GTPBP8: variants seen among roughly 807,000 people sequenced by gnomAD.
GTPBP8 encodes the protein GTP-binding protein 8.
GTPBP8 carries 21 observed loss-of-function variants against 27.3 expected under a neutral mutation model. The observed-to-expected ratio is 0.77, with a 90% CI of 0.55 to 1.11. The LOEUF is 1.11. Ranked by LOEUF, GTPBP8 falls within the 50% of genes least tolerant of loss-of-function variation. The probability of loss-of-function intolerance (pLI) is 0.00; values close to 1 mark genes in which losing one functional copy is unlikely to be tolerated. For missense variants in GTPBP8, 380 were observed against 350.8 expected (o/e 1.08, Z -0.67); for synonymous variants, 147 against 135.3 (o/e 1.09, Z -0.60).
intron 2 of GTPBP8, among the ~76,000 whole-genome samples, chr3:112,993,841 C>T (rs192188590): frequency 2.6e-5 from 4 of 152,290 alleles, no homozygotes; most frequent in African/African-American, 9.6e-5. Context: ...TAAAATGATT[C>T]TCTGGCTCCA....
In GTPBP8 at chr3:112,995,272, A is replaced by G. The variant is rs1933762940; in HGVS notation, c.566+7A>G. ...ATCTAAAAGAACGAAGGAAGTAAGG[A>G]AAAGATTTTCTTATAATAGTTATAC... On this transcript the variant is annotated splice_region_variant and intron_variant, in intron 3 of 5. Transcript: ENST00000383678. 6.4e-7 allele frequency: 1 copy of G among 1,574,294 alleles called. No individual in the cohort carries two copies. Among genetic ancestry groups the G allele is most frequent in the South Asian group, 1.2e-5 (1 of 85,698 alleles).
At chr3:112,994,870 C>T (rs1246609638) in intron 2 of GTPBP8, among the ~76,000 whole-genome samples, 1 of 152,124 alleles carries the variant, frequency 6.6e-6, no homozygotes, top group African/African-American at 2.4e-5. Context: ...AAATATTTTG[C>T]CTACATGTTT....
intron 2 of GTPBP8, 34 bp downstream of exon 2, chr3:112,993,158 C>A: frequency 1.9e-6 from 2 of 1,030,930 alleles, no homozygotes; most frequent in East Asian, 2.4e-5. Context: ...TTTGGACTAT[C>A]TCTTGGATTA....
At position 112,993,035 on chromosome 3, in the gene GTPBP8, A is replaced by G; in HGVS notation, c.346A>G (p.Ile116Val). ...TTTTTTCTTGTATAAGGTGTGTTTT[A>G]TAGGCAGAAGCAATGTTGGAAAATC... is the stretch of plus-strand genomic sequence containing the variant. The part of the protein sequence containing the change: ...PDLPRPEVCF[I>V]GRSNVGKSSL... Residue 116 changes from isoleucine to valine, a missense_variant, in exon 2 of 6, where the codon ATA becomes GTA. Transcript: ENST00000383678. 1 of 1,597,538 alleles carries G rather than the reference A, an allele frequency of 6.3e-7. No homozygotes were observed. The highest frequency in any genetic ancestry group is 8.6e-7 in the Non-Finnish European group (1 of 1,165,344).
At position 112,995,206 on chromosome 3, in the gene GTPBP8, C is replaced by A; in HGVS notation, c.507C>A (p.Gly169=). 1 of 1,607,974 alleles carries A rather than the reference C, an allele frequency of 6.2e-7. No individual in the cohort carries two copies. Among genetic ancestry groups the A allele is most frequent in the Non-Finnish European group, 8.5e-7 (1 of 1,175,224 alleles). The stretch of plus-strand genomic sequence containing the variant: ...CAGTGGTGGACATGCCAGGTTATGG[C>A]TTTAGAGCACCTGAAGATTTTGTTG... ...HFTVVDMPGY[G]FRAPEDFVDM... Residue 169 remains glycine, a synonymous_variant, in exon 3 of 6, where the codon GGC becomes GGA. Coordinates refer to ENST00000383678, the MANE Select transcript of GTPBP8 (RefSeq NM_014170.4).
intron 1 of GTPBP8, chr3:112,991,700 TCTC>T: frequency 2.4e-6 from 1 of 416,152 alleles, no homozygotes; most frequent in Non-Finnish European, 4.6e-6. Flanking sequence ...AAAAATTAAC[TCTC>T]CTTTTTTCTT....
At chr3:112,998,270 AC>A (rs1933825307) in intron 4 of GTPBP8, among the ~76,000 whole-genome samples, 1 of 152,202 alleles carries the variant, frequency 6.6e-6, no homozygotes, top group South Asian at 2.1e-4. Flanking sequence ...GACACTAGTC[AC>A]AATTTTGGGC....
chr3:112,999,535 A>G lies in GTPBP8; in HGVS notation c.756A>G (p.Gln252=). ...AGAAATTTGTTAACATGAAAACTCA[A>G]GGATGTTTTCCTCAGTTGTTTCCTG... ...QIQKFVNMKT[Q]GCFPQLFPVS... is the part of the protein sequence containing the mutation. Residue 252 remains glutamine (Q), a synonymous_variant, in exon 5 of 6, where the codon CAA becomes CAG. Transcript: ENST00000383678. The G allele has an allele frequency of 1.4e-6, 2 of 1,468,856 alleles. No individual in the cohort carries two copies. Among genetic ancestry groups the G allele is most frequent in the South Asian group, 1.3e-5 (1 of 77,056 alleles). The allele number at this position is 1,468,856 out of a possible 1,614,324, so 91.0% of individuals were successfully genotyped here. A position where few individuals can be genotyped will look rare whatever the true frequency, so the allele number is the denominator to read the frequency against.
Position 112,999,550 on chromosome 3 carries a change from G to A in GTPBP8, c.771G>A (p.Gln257=), listed in dbSNP as rs765728070. 3 of 1,327,396 alleles carry A rather than the reference G, an allele frequency of 2.3e-6. No homozygotes were observed. Among genetic ancestry groups the A allele is most frequent in the Non-Finnish European group, 1.1e-6 (1 of 946,394 alleles). 82.2% of individuals were successfully genotyped at this position (1,327,396 alleles called of 1,614,324 possible). The change falls in exon 5 of 6, where the codon CAG becomes CAA. Residue 257 remains glutamine (Q), a synonymous_variant. Coordinates refer to ENST00000383678, the MANE Select transcript of GTPBP8 (RefSeq NM_014170.4). ...VNMKTQGCFP[Q]LFPVSAVTFS... is the part of the protein sequence containing the mutation. ...TGAAAACTCAAGGATGTTTTCCTCAGTTGTTTCCTGTAAGGTAAGAGTTGA... is the reference window on the plus strand; with the variant it reads ...TGAAAACTCAAGGATGTTTTCCTCAATTGTTTCCTGTAAGGTAAGAGTTGA...
chr3:112,998,995 G>A (rs1933840655), intron 4 of GTPBP8, among the ~76,000 whole-genome samples: 1 of 152,140 alleles, frequency 6.6e-6, no homozygotes, highest in Non-Finnish European at 1.5e-5. Context: ...AATATAACTA[G>A]TAGATAGAAC....
At position 112,999,472 on chromosome 3, in the gene GTPBP8, T is replaced by A; in HGVS notation, c.693T>A (p.Ser231=). 2.0e-6 allele frequency: 3 copies of A among 1,504,170 alleles called. No individual in the cohort carries two copies. Among genetic ancestry groups the A allele is most frequent in the Non-Finnish European group, 2.7e-6 (3 of 1,099,968 alleles). 93.2% of individuals were successfully genotyped at this position (1,504,170 alleles called of 1,614,324 possible). A position where few individuals can be genotyped will look rare whatever the true frequency, so the allele number is the denominator to read the frequency against. The change falls in exon 5 of 6, where the codon TCT becomes TCA. Residue 231 remains serine, a synonymous_variant. Coordinates refer to ENST00000383678, the MANE Select transcript of GTPBP8 (RefSeq NM_014170.4). ...TTGTATTAACAAAAATTGACAAATC[T>A]TCCAAGGGACATCTTTTAAAACAAG... ...YVIVLTKIDK[S]SKGHLLKQVL... is the part of the protein sequence containing the mutation.
rs1395631680 is a variant in GTPBP8 at position 113,001,347 on chromosome 3, G to A, written c.*428G>A. 2 of 152,814 alleles carry A rather than the reference G, an allele frequency of 1.3e-5. No individual in the cohort carries two copies. Among genetic ancestry groups the A allele is most frequent in the Non-Finnish European group, 2.9e-5 (2 of 68,516 alleles). 9.5% of individuals were successfully genotyped at this position (152,814 alleles called of 1,614,324 possible). A position where few individuals can be genotyped will look rare whatever the true frequency, so the allele number is the denominator to read the frequency against. ...TCTGTTAAGCATCGATAGGTAAGTT[G>A]ATGGATAAAAGTTACTATGTAAGCC... is the stretch of plus-strand genomic sequence containing the variant. On this transcript the variant is annotated 3_prime_UTR_variant, in exon 6 of 6. Coordinates refer to ENST00000383678, the MANE Select transcript of GTPBP8 (RefSeq NM_014170.4).
chr3:112,993,519 T>G (rs755649215), intron 2 of GTPBP8, among the ~76,000 whole-genome samples: 33 of 152,248 alleles, frequency 2.2e-4, no homozygotes, highest in African/African-American at 8.0e-4. Flanking sequence ...AGTACGTGAT[T>G]AGTTACACAC....
At position 112,993,060 on chromosome 3, in the gene GTPBP8, C is replaced by A. The variant is rs1322438075; in HGVS notation, c.371C>A (p.Ser124Ter). ...CFIGRSNVGKSSLIKALFSLA... is the reference protein window; with the variant it reads ...CFIGRSNVGK ...ATAGGCAGAAGCAATGTTGGAAAAT[C>A]ATCTCTAATCAAGGCTTTATTTTCA... The change falls in exon 2 of 6, where the codon TCA becomes TAA. Residue 124 changes from serine (S) to a stop codon, truncating the protein, a stop_gained. Transcript: ENST00000383678. LOFTEE classifies it high-confidence loss of function. The A allele has an allele frequency of 6.2e-6, 10 of 1,610,714 alleles. No individual in the cohort carries two copies. In the East Asian group the frequency reaches 1.6e-4, roughly 25 times the overall value.
rs764631005 is a variant in GTPBP8, at chr3:112,991,275, C to A, written c.276C>A (p.Arg92=). 6.2e-6 allele frequency: 10 copies of A among 1,613,704 alleles called. No homozygotes were observed. In the African/African-American group the frequency reaches 1.2e-4, roughly 19 times the overall value. ...DNIFTATERN[R]IDYVSSAVRI... ...TCTTCACGGCCACTGAACGGAACCG[C>A]ATCGACTACGTCAGCTCCGCCGTCC... The change falls in exon 1 of 6, where the codon CGC becomes CGA. Residue 92 remains arginine (R), a synonymous_variant. Coordinates refer to ENST00000383678, the MANE Select transcript of GTPBP8 (RefSeq NM_014170.4).
rs1933661473 is a variant in GTPBP8, at chr3:112,991,113, G to C, written c.114G>C (p.Arg38=). 6.2e-7 allele frequency: 1 copy of C among 1,612,742 alleles called. No homozygotes were observed. Among genetic ancestry groups the C allele is most frequent in the Admixed American group, 1.7e-5 (1 of 60,012 alleles). The part of the protein sequence containing the change: ...STSQAFAEVL[R]LPKQQLRKLL... ...CCCAAGCTTTTGCTGAGGTGCTGCG[G>C]CTGCCGAAGCAGCAGCTGAGGAAGC... Residue 38 remains arginine (R), a synonymous_variant, in exon 1 of 6, where the codon CGG becomes CGC. Coordinates refer to ENST00000383678, the MANE Select transcript of GTPBP8 (RefSeq NM_014170.4).
intron 1 of GTPBP8, chr3:112,991,614 G>A (rs1933682835): frequency 1.6e-6 from 1 of 632,408 alleles, no homozygotes. Flanking sequence ...CCTGTATACA[G>A]CTTAAATTAT....
intron 4 of GTPBP8, among the ~76,000 whole-genome samples, chr3:112,997,989 T>C (rs1450100299): frequency 6.6e-6 from 1 of 152,222 alleles, no homozygotes; most frequent in African/African-American, 2.4e-5. Context: ...TATCTGTATC[T>C]CCTTTTAAAT....
intron 4 of GTPBP8, 119 bp from the exon 5 acceptor site, chr3:112,999,327 T>C (rs372668081): frequency 5.8e-5 from 29 of 502,314 alleles, no homozygotes; most frequent in East Asian, 5.3e-4. Flanking sequence ...GATGAGGAAA[T>C]AGGTACAGAG....
Sources: allele counts gnomAD v4.1 joint callset (sites outside exome capture counted in the v4.1 genomes callset), GRCh38; gene constraint gnomAD v4.1.1; transcripts MANE v1.5; gene names NCBI Gene and HGNC (gene_info 2026-07-23, HGNC 2026-07-21).